Variants in SLC9A9 observed in about 807,000 individuals in gnomAD.
SLC9A9 encodes the protein sodium/hydrogen exchanger 9.
Under a neutral mutation model 77.8 loss-of-function variants are expected in SLC9A9, and 62 were observed. The ratio of observed to expected loss-of-function variants is 0.80; its 90% CI spans 0.65 to 0.98. SLC9A9 has a LOEUF of 0.98. Ranked by LOEUF, SLC9A9 falls within the 50% of genes least tolerant of loss-of-function variation. The probability of loss-of-function intolerance (pLI) is 0.00; values close to 1 mark genes in which losing one functional copy is unlikely to be tolerated. For synonymous variants in SLC9A9, 320 were observed against 283.5 expected, an observed-to-expected ratio of 1.13 and a Z score of -1.29; for missense variants, 775 against 774.9, an observed-to-expected ratio of 1.00 and a Z score of 0.00.
At chr3:143,723,410 C>A (rs551592876) in intron 4 of SLC9A9, among the ~76,000 whole-genome samples, 32 of 152,230 alleles carry the variant, frequency 2.1e-4, no homozygotes, top group African/African-American at 6.7e-4. Flanking sequence ...AGTTTAAGTT[C>A]ACTAAGAGGC....
chr3:143,776,749 T>A (rs534366379), intron 4 of SLC9A9, among the ~76,000 whole-genome samples: 1 of 152,320 alleles, frequency 6.6e-6, no homozygotes, highest in African/African-American at 2.4e-5. Flanking sequence ...GAACAGAATC[T>A]TTTCAACCAT....
chr3:143,467,901 TTA>T (rs1466892737), intron 11 of SLC9A9, among the ~76,000 whole-genome samples: 1 of 152,216 alleles, frequency 6.6e-6, no homozygotes, highest in Admixed American at 6.5e-5. Context: ...TTCAAGACAG[TTA>T]TATAAATGGA....
At chr3:143,284,598 G>A (rs991320489) in intron 14 of SLC9A9, among the ~76,000 whole-genome samples, 14 of 151,892 alleles carry the variant, frequency 9.2e-5, no homozygotes, top group African/African-American at 3.4e-4. Context: ...TATAATACCA[G>A]TTTCTAAAAT....
intron 6 of SLC9A9, chr3:143,627,662 A>G (rs79217564): frequency 0.014 from 2,493 of 182,368 alleles, 29 homozygotes; most frequent in South Asian, 0.041. Context: ...GAGTGAGGCA[A>G]CCTTTTCAAA....
intron 4 of SLC9A9, among the ~76,000 whole-genome samples, chr3:143,693,843 T>C (rs928182249): frequency 1.3e-5 from 2 of 152,160 alleles, no homozygotes; most frequent in African/African-American, 4.8e-5. Flanking sequence ...AGAGAATCCC[T>C]GTTAGGTTAG....
intron 12 of SLC9A9, among the ~76,000 whole-genome samples, chr3:143,440,119 A>G (rs2034701093): frequency 1.3e-5 from 2 of 152,242 alleles, no homozygotes. Context: ...TGAATGGTGC[A>G]GAAAACACAA....
chr3:143,539,198 C>A (rs2036644820), intron 9 of SLC9A9, among the ~76,000 whole-genome samples: 1 of 152,078 alleles, frequency 6.6e-6, no homozygotes, highest in Non-Finnish European at 1.5e-5. Context: ...TCAATGTAAC[C>A]CAGAGCAATT....
intron 5 of SLC9A9, among the ~76,000 whole-genome samples, chr3:143,677,173 G>GA (rs1269870446): frequency 2.0e-5 from 3 of 151,846 alleles, no homozygotes; most frequent in Non-Finnish European, 2.9e-5. Context: ...GAGACTGGAA[G>GA]AAAAAAAAGC....
intron 12 of SLC9A9, among the ~76,000 whole-genome samples, chr3:143,400,306 T>G (rs532337469): frequency 5.6e-4 from 86 of 152,332 alleles, no homozygotes; most frequent in African/African-American, 1.9e-3. Context: ...CAAAATATTC[T>G]TTTTATGCTT....
intron 14 of SLC9A9, among the ~76,000 whole-genome samples, chr3:143,341,541 G>GC (rs1413498221): frequency 0.018 from 2,751 of 152,214 alleles, 85 homozygotes; most frequent in African/African-American, 0.064. Context: ...CAAGTTGCTT[G>GC]CCACGGTAGG....
At chr3:143,467,727 AAGAGAGAG>A (rs111531862) in intron 11 of SLC9A9, among the ~76,000 whole-genome samples, 254 of 144,782 alleles carry the variant, frequency 1.8e-3, no homozygotes, top group South Asian at 8.0e-3. Flanking sequence ...CCTGGCTCTA[AAGAGAGAG>A]AGAGAGAGAG....
chr3:143,424,434 C>A (rs902696058), intron 12 of SLC9A9, among the ~76,000 whole-genome samples: 2 of 151,984 alleles, frequency 1.3e-5, no homozygotes, highest in African/African-American at 4.8e-5. Context: ...CCCACCACCA[C>A]ACCCGGCTAA....
chr3:143,829,244 C>T (rs1287021432), intron 2 of SLC9A9, among the ~76,000 whole-genome samples: 1 of 152,100 alleles, frequency 6.6e-6, no homozygotes, highest in Non-Finnish European at 1.5e-5. Context: ...CAAACTTTTA[C>T]CCTACAAACT....
intron 11 of SLC9A9, among the ~76,000 whole-genome samples, chr3:143,492,835 A>G (rs907907421): frequency 1.3e-5 from 2 of 152,186 alleles, no homozygotes; most frequent in African/African-American, 4.8e-5. Flanking sequence ...GTAAACTCTC[A>G]TGTATCCCCC....
At chr3:143,811,148 T>G (rs371270748) in intron 2 of SLC9A9, among the ~76,000 whole-genome samples, 2 of 152,018 alleles carry the variant, frequency 1.3e-5, no homozygotes, top group South Asian at 4.2e-4. Context: ...AGCAAGGAAT[T>G]TAAAATATTA....
At chr3:143,700,082 G>A (rs1373497594) in intron 4 of SLC9A9, among the ~76,000 whole-genome samples, 4 of 151,946 alleles carry the variant, frequency 2.6e-5, no homozygotes, top group Non-Finnish European at 4.4e-5. Flanking sequence ...GACACACCCT[G>A]GGCCAGAAGG....
intron 5 of SLC9A9, among the ~76,000 whole-genome samples, chr3:143,669,211 ACT>A (rs2039122091): frequency 1.3e-5 from 2 of 152,174 alleles, no homozygotes; most frequent in African/African-American, 4.8e-5. Flanking sequence ...GCAAGGAAAT[ACT>A]CTCTAAGAAT....
chr3:143,277,622 T>C (rs1382906747), intron 14 of SLC9A9, among the ~76,000 whole-genome samples: 1 of 152,244 alleles, frequency 6.6e-6, no homozygotes, highest in Non-Finnish European at 1.5e-5. Flanking sequence ...TTGTGCCATA[T>C]GGATAGTGTT....
intron 4 of SLC9A9, among the ~76,000 whole-genome samples, chr3:143,719,163 A>G (rs1934430588): frequency 6.6e-6 from 1 of 152,198 alleles, no homozygotes; most frequent in Admixed American, 6.5e-5. Flanking sequence ...TGGAAGATAA[A>G]GGGCTCAGGT....
Sources: gnomAD v4.1 joint callset for allele counts (sites outside exome capture counted in the v4.1 genomes callset) on GRCh38, gnomAD v4.1.1 for gene constraint, MANE v1.5 for transcripts, NCBI Gene and HGNC (gene_info 2026-07-23, HGNC 2026-07-21) for gene names.